The following ZSCAN23 variants were observed in gnomAD, a reference collection of about 807,000 sequenced individuals.
The protein encoded by ZSCAN23 is zinc finger and SCAN domain-containing protein 23.
Under a neutral mutation model 19.3 loss-of-function variants are expected in ZSCAN23, and 19 were observed. That is an observed-to-expected ratio of 0.99 (90% CI 0.69 to 1.45). The LOEUF is 1.45. ZSCAN23 is among the 40% of genes most tolerant of loss of function. The pLI is 0.00. For synonymous variants in ZSCAN23, 140 were observed against 166.2 expected (o/e 0.84, Z 1.21); for missense variants, 372 against 462.5 (o/e 0.80, Z 1.79).
At chr6:28,428,289 C>T (rs1316171713), downstream of ZSCAN23, among the ~76,000 whole-genome samples, 1 of 152,196 alleles carries the variant, frequency 6.6e-6, no homozygotes, top group Non-Finnish European at 1.5e-5. Context: ...ATCTTCAACT[C>T]ACCACCAAAA....
the ZSCAN23 span, among the ~76,000 whole-genome samples, chr6:28,422,247 GA>G: frequency 1.3e-5 from 2 of 151,738 alleles, no homozygotes; most frequent in Non-Finnish European, 2.9e-5. The surrounding 1 kb of genome is among the most constrained non-coding windows in gnomAD (Gnocchi z 4.0). Flanking sequence ...AAAAGAAAAA[GA>G]AAAGAGTTTA....
downstream of ZSCAN23, among the ~76,000 whole-genome samples, chr6:28,428,648 GT>G (rs1271600053): frequency 2.0e-5 from 3 of 152,088 alleles, no homozygotes; most frequent in African/African-American, 4.8e-5. Flanking sequence ...CTTGCTTTCA[GT>G]TTTGCCCCTT....
chr6:28,421,801 T>C, the ZSCAN23 span, among the ~76,000 whole-genome samples: 4 of 152,164 alleles, frequency 2.6e-5, no homozygotes, highest in Non-Finnish European at 2.9e-5. Context: ...GGTACCCATA[T>C]ATTAAAAGAA....
rs1761785706 is a variant in ZSCAN23 at position 28,432,798 on chromosome 6, G to A, written c.*1667C>T. 1 of 152,046 alleles carries A rather than the reference G, an allele frequency of 6.6e-6. No individual in the cohort carries two copies. Among genetic ancestry groups the A allele is most frequent in the Non-Finnish European group, 1.5e-5 (1 of 67,976 alleles). 9.4% of individuals were successfully genotyped at this position (152,046 alleles called of 1,614,324 possible). Reference sequence around the variant, plus strand: ...ATCTCTAAAGATTATATTCTTTCATGAAAACAGCAAGGTATTAGAAGAGTA... The same window carrying A: ...ATCTCTAAAGATTATATTCTTTCATAAAAACAGCAAGGTATTAGAAGAGTA... On this transcript the variant is annotated 3_prime_UTR_variant, in exon 4 of 4. Coordinates refer to ENST00000289788, the MANE Select transcript of ZSCAN23 (RefSeq NM_001012455.2).
chr6:28,433,548 T>C lies in ZSCAN23; in HGVS notation c.*917A>G, dbSNP rs1350256779. On this transcript the variant is annotated 3_prime_UTR_variant, in exon 4 of 4. Transcript: ENST00000289788. The stretch of plus-strand genomic sequence containing the variant: ...TTTGTAAAGAGTTACTAAGTCAATG[T>C]TAAGGGAAATAAATTTTTTTATTTA... The C allele has an allele frequency of 6.6e-6, 1 of 151,936 alleles. No individual in the cohort carries two copies. Among genetic ancestry groups the C allele is most frequent in the African/African-American group, 2.4e-5 (1 of 41,342 alleles). 9.4% of individuals were successfully genotyped at this position (151,936 alleles called of 1,614,324 possible).
At chr6:28,436,909 G>A (rs1761901418) in intron 1 of ZSCAN23, among the ~76,000 whole-genome samples, 1 of 152,156 alleles carries the variant, frequency 6.6e-6, no homozygotes, top group Admixed American at 6.6e-5. Context: ...ACATCAACCT[G>A]CAGGTATTCC....
the ZSCAN23 span, among the ~76,000 whole-genome samples, chr6:28,426,816 T>C: frequency 6.6e-6 from 1 of 152,216 alleles, no homozygotes; most frequent in Non-Finnish European, 1.5e-5. Flanking sequence ...CAAAAGTTTG[T>C]CTGTTTGTTT....
chr6:28,422,122 G>A, the ZSCAN23 span, among the ~76,000 whole-genome samples: 3 of 151,960 alleles, frequency 2.0e-5, no homozygotes, highest in South Asian at 2.1e-4. The surrounding 1 kb of genome is among the most constrained non-coding windows in gnomAD (Gnocchi z 4.0). Context: ...AAACAAGTTT[G>A]GCCATAATCT....
rs1466738460 is a variant in ZSCAN23 at position 28,432,900 on chromosome 6, AAC to A, written c.*1563_*1564del. ...ATATTTGCCTATATTTACATAAAGA[AAC>A]ACTGAAAGATACATAAGAAACTAGT... On this transcript the variant is annotated 3_prime_UTR_variant, in exon 4 of 4. Coordinates refer to ENST00000289788, the MANE Select transcript of ZSCAN23 (RefSeq NM_001012455.2). The A allele has an allele frequency of 6.6e-6, 1 of 152,164 alleles. No homozygotes were observed. The highest frequency in any genetic ancestry group is 2.4e-5 in the African/African-American group (1 of 41,458). The allele number at this position is 152,164 out of a possible 1,614,324, so 9.4% of individuals were successfully genotyped here.
the ZSCAN23 span, among the ~76,000 whole-genome samples, chr6:28,424,815 T>C: frequency 1.3e-5 from 2 of 152,246 alleles, no homozygotes; most frequent in Non-Finnish European, 2.9e-5. Context: ...GTCTTGAACC[T>C]GTGAAAGTCA....
At chr6:28,429,543 C>A (rs977286361), downstream of ZSCAN23, among the ~76,000 whole-genome samples, 1 of 152,132 alleles carries the variant, frequency 6.6e-6, no homozygotes, top group Non-Finnish European at 1.5e-5. Flanking sequence ...TATACGGAAG[C>A]CAGCTTTTGG....
rs570555946 is a variant in ZSCAN23, at chr6:28,442,426, A to T, written c.-78+973T>A. On this transcript the variant is annotated intron_variant, in intron 1 of 3. Coordinates refer to ENST00000289788, the MANE Select transcript of ZSCAN23 (RefSeq NM_001012455.2). ...GTTGCTACTTTCCCTTAGGGCCAAG[A>T]CTGTAATCTTTTTCTATTGCTCAAA... is the stretch of plus-strand genomic sequence containing the variant. 2.0e-5 allele frequency among the ~76,000 whole-genome samples: 3 copies of T among 152,360 alleles called. No homozygotes were observed. The East Asian group carries it at 5.8e-4, about 29-fold the overall frequency.
chr6:28,440,522 A>T (rs539713676), intron 1 of ZSCAN23, among the ~76,000 whole-genome samples: 1 of 152,206 alleles, frequency 6.6e-6, no homozygotes, highest in Admixed American at 6.5e-5. Flanking sequence ...TTTGTGGTAG[A>T]AATATCAAAT....
Position 28,434,455 on chromosome 6 carries a change from T to C in ZSCAN23, c.*10A>G. 6.5e-7 allele frequency: 1 copy of C among 1,526,958 alleles called. No individual in the cohort carries two copies. Among genetic ancestry groups the C allele is most frequent in the Non-Finnish European group, 8.8e-7 (1 of 1,132,898 alleles). 94.6% of individuals were successfully genotyped at this position (1,526,958 alleles called of 1,614,324 possible). The stretch of plus-strand genomic sequence containing the variant: ...AGTAAGAAATATTATCCCCTACCTG[T>C]TCCAAGGAGCTAGCTTGATTCAGCC... On this transcript the variant is annotated 3_prime_UTR_variant, in exon 4 of 4. Transcript: ENST00000289788.
chr6:28,430,051 G>A (rs1761729915), downstream of ZSCAN23, among the ~76,000 whole-genome samples: 1 of 152,212 alleles, frequency 6.6e-6, no homozygotes, highest in African/African-American at 2.4e-5. Context: ...GGCTGAGGCC[G>A]ACAGGGGTCG....
Position 28,433,167 on chromosome 6 carries a change from G to C in ZSCAN23, c.*1298C>G, listed in dbSNP as rs574728254. ...CTTTATTGAAACATATAAATGGGTG[G>C]GTTTGTTGAGCAACTTCAGTGACTT... On this transcript the variant is annotated 3_prime_UTR_variant, in exon 4 of 4. Coordinates refer to ENST00000289788, the MANE Select transcript of ZSCAN23 (RefSeq NM_001012455.2). 1 of 152,102 alleles carries C rather than the reference G, an allele frequency of 6.6e-6. No individual in the cohort carries two copies. The highest frequency in any genetic ancestry group is 1.5e-5 in the Non-Finnish European group (1 of 67,938). The allele number at this position is 152,102 out of a possible 1,614,324, so 9.4% of individuals were successfully genotyped here.
At chr6:28,427,181 C>T (rs2114025574), downstream of ZSCAN23, among the ~76,000 whole-genome samples, 1 of 152,322 alleles carries the variant, frequency 6.6e-6, no homozygotes, top group East Asian at 1.9e-4. Context: ...CAAACAGGGC[C>T]CCCTTGGTAC....
At chr6:28,421,526 G>A in the ZSCAN23 span, among the ~76,000 whole-genome samples, 2 of 152,034 alleles carry the variant, frequency 1.3e-5, no homozygotes, top group East Asian at 3.9e-4. Flanking sequence ...TAACACCACA[G>A]AAAAAGAGAC....
At chr6:28,427,204 G>C (rs1761673927), downstream of ZSCAN23, among the ~76,000 whole-genome samples, 1 of 152,120 alleles carries the variant, frequency 6.6e-6, no homozygotes. Context: ...AAACCCAGTG[G>C]GTATTTTTCA....
Sources: gnomAD v4.1 joint callset for allele counts (sites outside exome capture counted in the v4.1 genomes callset) on GRCh38, gnomAD v4.1.1 for gene constraint, Gnocchi (gnomAD v3.1) non-coding constraint, MANE v1.5 for transcripts, NCBI Gene and HGNC (gene_info 2026-07-23, HGNC 2026-07-21) for gene names.